The following ZDHHC3 variants were observed in gnomAD, a reference collection of about 807,000 sequenced individuals.
The protein encoded by ZDHHC3 is zDHHC palmitoyltransferase 3, also known as palmitoyltransferase ZDHHC3.
A neutral mutation model predicts 30.6 loss-of-function variants in ZDHHC3; 9 were observed. The observed-to-expected ratio is 0.29, with a 90% CI of 0.18 to 0.51. The LOEUF (loss-of-function observed/expected upper bound fraction) is 0.51, where lower values mean the gene tolerates loss of function less well. Among genes scored for constraint, ZDHHC3 ranks in the 20% least tolerant of loss-of-function variants. ZDHHC3 has a pLI of 0.97. For missense variants in ZDHHC3, 246 were observed against 384.2 expected, an observed-to-expected ratio of 0.64 and a Z score of 3.01; for synonymous variants, 136 against 140.2, an observed-to-expected ratio of 0.97 and a Z score of 0.21.
chr3:44,925,402 C>T lies in ZDHHC3; in HGVS notation c.*1287G>A, dbSNP rs1033278081. The T allele has an allele frequency of 2.3e-4, 224 of 985,688 alleles. No homozygotes were observed. Among genetic ancestry groups the T allele is most frequent in the Admixed American group, 1.9e-3 (31 of 16,284 alleles). 61.1% of individuals were successfully genotyped at this position (985,688 alleles called of 1,614,324 possible). ...AACAAATCAATGTGTGAGAATTCCC[C>T]GATGGTCAATAATCATATTTGTTAT... On this transcript the variant is annotated 3_prime_UTR_variant, in exon 7 of 7. Coordinates refer to ENST00000424952, the MANE Select transcript of ZDHHC3 (RefSeq NM_001135179.2).
At chr3:44,965,686 T>A (rs1007869623) in intron 1 of ZDHHC3, among the ~76,000 whole-genome samples, 40 of 152,198 alleles carry the variant, frequency 2.6e-4, no homozygotes, top group African/African-American at 8.9e-4. Context: ...GATTGTCACA[T>A]CAAACATAAA....
At chr3:44,937,418 T>C (rs1434227998) in intron 3 of ZDHHC3, among the ~76,000 whole-genome samples, 2 of 151,448 alleles carry the variant, frequency 1.3e-5, no homozygotes, top group Non-Finnish European at 2.9e-5. Context: ...CAAAGTTCCT[T>C]AGTTCTGCTG....
At chr3:44,933,479 G>A in intron 4 of ZDHHC3, 1 of 565,882 alleles carries the variant, frequency 1.8e-6, no homozygotes, top group Non-Finnish European at 3.1e-6. Context: ...AGCTGCCTGG[G>A]CGGGGGGTTC....
chr3:44,935,806 A>G (rs1471796803), intron 3 of ZDHHC3, among the ~76,000 whole-genome samples: 1 of 152,224 alleles, frequency 6.6e-6, no homozygotes, highest in Non-Finnish European at 1.5e-5. Flanking sequence ...ATAACTGGCC[A>G]GCCATATGCA....
chr3:44,928,672 A>T (rs941216991), intron 6 of ZDHHC3, among the ~76,000 whole-genome samples: 4 of 152,162 alleles, frequency 2.6e-5, no homozygotes, highest in African/African-American at 9.7e-5. Flanking sequence ...GCACCAAGGG[A>T]GTAGGCCCCA....
At chr3:44,939,369 C>T (rs1702245614) in intron 3 of ZDHHC3, among the ~76,000 whole-genome samples, 1 of 152,204 alleles carries the variant, frequency 6.6e-6, no homozygotes, top group South Asian at 2.1e-4. Context: ...TTTAAAAGTG[C>T]AGATAAGCAG....
At chr3:44,935,152 GA>G (rs1159744655) in intron 3 of ZDHHC3, among the ~76,000 whole-genome samples, 2 of 151,908 alleles carry the variant, frequency 1.3e-5, no homozygotes, top group African/African-American at 2.4e-5. Context: ...CCATGAGAAA[GA>G]AAAAAAACTT....
rs527536401 is a variant in ZDHHC3 at position 44,934,049 on chromosome 3, C to G, written c.432-65G>C. On this transcript the variant is annotated intron_variant, in intron 3 of 6. Coordinates refer to ENST00000424952, the MANE Select transcript of ZDHHC3 (RefSeq NM_001135179.2). ...TGGTGTTGGGAGGGCCCCGGGGGAA[C>G]GCAGAACCCATGGCTCCTGCTCCAC... The G allele has an allele frequency of 3.4e-6, 5 of 1,487,078 alleles. No individual in the cohort carries two copies. In the East Asian group the frequency reaches 6.8e-5, roughly 20 times the overall value. 92.1% of individuals were successfully genotyped at this position (1,487,078 alleles called of 1,614,324 possible). A position where few individuals can be genotyped will look rare whatever the true frequency, so the allele number is the denominator to read the frequency against.
Position 44,923,376 on chromosome 3 carries a change from G to A in ZDHHC3, c.*3313C>T. On this transcript the variant is annotated 3_prime_UTR_variant, in exon 7 of 7. Coordinates refer to ENST00000424952, the MANE Select transcript of ZDHHC3 (RefSeq NM_001135179.2). ...CAGGCGTGAGGGATGTCCACAGTGA[G>A]AAGTGTCCGCGCCCGGCTTAAAATG... The A allele has an allele frequency of 1.0e-6, 1 of 985,398 alleles. No homozygotes were observed. The highest frequency in any genetic ancestry group is 1.2e-6 in the Non-Finnish European group (1 of 829,926). 61.0% of individuals were successfully genotyped at this position (985,398 alleles called of 1,614,324 possible). A position where few individuals can be genotyped will look rare whatever the true frequency, so the allele number is the denominator to read the frequency against.
chr3:44,917,771 G>A lies in ZDHHC3; in HGVS notation c.*8918C>T, dbSNP rs995835091. Reference sequence around the variant, plus strand: ...AGGAGGGGAAATGGCAAGGCCAAGCGAGTGGCTAAGGGAAGCACTGGGGGT... The same window carrying A: ...AGGAGGGGAAATGGCAAGGCCAAGCAAGTGGCTAAGGGAAGCACTGGGGGT... On this transcript the variant is annotated 3_prime_UTR_variant, in exon 7 of 7. Coordinates refer to ENST00000424952, the MANE Select transcript of ZDHHC3 (RefSeq NM_001135179.2). 5 of 1,152,850 alleles carry A rather than the reference G, an allele frequency of 4.3e-6. No individual in the cohort carries two copies. Among genetic ancestry groups the A allele is most frequent in the Middle Eastern group, 2.4e-4 (1 of 4,134 alleles). The allele number at this position is 1,152,850 out of a possible 1,614,324, so 71.4% of individuals were successfully genotyped here.
At position 44,925,787 on chromosome 3, in the gene ZDHHC3, T is replaced by C. The variant is rs1158135362; in HGVS notation, c.*902A>G. ...GGGGATGATGGTGGGGCTGTATGTG[T>C]TGGGCACTGGTGCCTATTGCAGTCA... On this transcript the variant is annotated 3_prime_UTR_variant, in exon 7 of 7. Coordinates refer to ENST00000424952, the MANE Select transcript of ZDHHC3 (RefSeq NM_001135179.2). 30 of 985,726 alleles carry C rather than the reference T, an allele frequency of 3.0e-5. No individual in the cohort carries two copies. The highest frequency in any genetic ancestry group is 6.1e-5 in the Admixed American group (1 of 16,274). The allele number at this position is 985,726 out of a possible 1,614,324, so 61.1% of individuals were successfully genotyped here.
Position 44,922,970 on chromosome 3 carries a change from T to C in ZDHHC3, c.*3719A>G. On this transcript the variant is annotated 3_prime_UTR_variant, in exon 7 of 7. Transcript: ENST00000424952. ...CTTTAAGCTGATGCACTGCAAGTCT[T>C]GAAAAGAGAGAAATTTAAAACCCAT... The C allele has an allele frequency of 1.0e-6, 1 of 985,340 alleles. No individual in the cohort carries two copies. The highest frequency in any genetic ancestry group is 1.2e-6 in the Non-Finnish European group (1 of 829,904). 61.0% of individuals were successfully genotyped at this position (985,340 alleles called of 1,614,324 possible). A position where few individuals can be genotyped will look rare whatever the true frequency, so the allele number is the denominator to read the frequency against.
At chr3:44,932,869 C>T (rs776895352) in intron 5 of ZDHHC3, 6 of 1,604,932 alleles carry the variant, frequency 3.7e-6, no homozygotes. Context: ...TGGGCACGCT[C>T]AGTCCAGAGG....
At position 44,933,118 on chromosome 3, in the gene ZDHHC3, T is replaced by C; in HGVS notation, c.610A>G (p.Lys204Glu). The change falls in exon 5 of 7, where the codon AAG becomes GAG. Residue 204 changes from lysine to glutamate, a missense_variant and splice_region_variant. Lys to Glu is a moderately conservative substitution (Grantham distance 56). Transcript: ENST00000424952. ...FLHCFEEDWTKCSSFSPPTTV... is the reference protein window; with the variant it reads ...FLHCFEEDWTECSSFSPPTTV... ...GAGGAAAGCCTCAGCACATACTCACTTGTCCAATCTTCTTCAAAGCAATGC... is the reference window on the plus strand; with the variant it reads ...GAGGAAAGCCTCAGCACATACTCACCTGTCCAATCTTCTTCAAAGCAATGC... 1 of 1,614,140 alleles carries C rather than the reference T, an allele frequency of 6.2e-7. No homozygotes were observed. The highest frequency in any genetic ancestry group is 1.3e-5 in the African/African-American group (1 of 75,030).
At chr3:44,957,206 T>C (rs1370126397) in intron 2 of ZDHHC3, among the ~76,000 whole-genome samples, 5 of 152,184 alleles carry the variant, frequency 3.3e-5, no homozygotes, top group African/African-American at 1.2e-4. Context: ...CTTTGTCTTA[T>C]TGTCTTTAAA....
chr3:44,972,922 G>A (rs1157108219), intron 1 of ZDHHC3, among the ~76,000 whole-genome samples: 1 of 152,184 alleles, frequency 6.6e-6, no homozygotes, highest in Non-Finnish European at 1.5e-5. Flanking sequence ...CTCCATGCAT[G>A]CTACTCAACC....
At chr3:44,960,743 C>T (rs1181983194) in intron 1 of ZDHHC3, among the ~76,000 whole-genome samples, 1 of 152,224 alleles carries the variant, frequency 6.6e-6, no homozygotes, top group Non-Finnish European at 1.5e-5. Flanking sequence ...AACTCAACTA[C>T]ACAGCAGAAG....
At position 44,968,036 on chromosome 3, in the gene ZDHHC3, T is replaced by A. The variant is rs992784369; in HGVS notation, c.-25+7897A>T. ...AAGGCTCAGAGGGGTTGGGGAATAT[T>A]CCCAAGGTCGCATTGAGTGAGGTGG... is the stretch of plus-strand genomic sequence containing the variant. On this transcript the variant is annotated intron_variant, in intron 1 of 6. Transcript: ENST00000424952. Among the ~76,000 whole-genome samples, 17 of 152,214 alleles carry A rather than the reference T, an allele frequency of 1.1e-4. No individual in the cohort carries two copies. In the East Asian group the frequency reaches 2.5e-3, roughly 23 times the overall value.
intron 2 of ZDHHC3, among the ~76,000 whole-genome samples, chr3:44,952,122 G>C (rs1703511551): frequency 6.6e-6 from 1 of 152,122 alleles, no homozygotes; most frequent in South Asian, 2.1e-4. Flanking sequence ...AGCTAAAACG[G>C]AACCTGCTGC....
Sources: gnomAD v4.1 joint callset for allele counts (sites outside exome capture counted in the v4.1 genomes callset) on GRCh38, gnomAD v4.1.1 for gene constraint, MANE v1.5 for transcripts, NCBI Gene and HGNC (gene_info 2026-07-23, HGNC 2026-07-21) for gene names.